The following NT5DC1 variants were observed in gnomAD, a reference collection of about 807,000 sequenced individuals.
The protein encoded by NT5DC1 is 5'-nucleotidase domain-containing protein 1.
In NT5DC1, 42 loss-of-function variants were observed where a neutral mutation model predicts 59.4. That is an observed-to-expected ratio of 0.71 (90% CI 0.55 to 0.92). NT5DC1 has a LOEUF of 0.92. Ranked by LOEUF, NT5DC1 falls within the 40% of genes least tolerant of loss-of-function variation. The pLI is 0.00. For synonymous variants in NT5DC1, 172 were observed against 188.1 expected (o/e 0.91, Z 0.70); for missense variants, 501 against 537.1 (o/e 0.93, Z 0.66).
At chr6:116,209,207 T>C (rs1483278922) in intron 6 of NT5DC1, among the ~76,000 whole-genome samples, 1 of 152,018 alleles carries the variant, frequency 6.6e-6, no homozygotes, top group Non-Finnish European at 1.5e-5. Context: ...AGATAGTAAA[T>C]ATTATAGGCT....
chr6:116,238,849 A>T, intron 10 of NT5DC1, 106 bp from the exon 11 acceptor site: 1 of 680,206 alleles, frequency 1.5e-6, no homozygotes, highest in Non-Finnish European at 2.6e-6. Context: ...GCCTATTTGT[A>T]GATTCCTACA....
At chr6:116,182,222 A>AGTGTGTGTGTGTGTGTGTGTGTGT (rs35883565) in intron 6 of NT5DC1, among the ~76,000 whole-genome samples, 1 of 124,606 alleles carries the variant, frequency 8.0e-6, no homozygotes, top group African/African-American at 2.9e-5. Flanking sequence ...TTCCATGGAG[A>AGTGTGTGTGTGTGTGTGTGTGTGT]GTGTGTGTGT....
chr6:116,152,239 C>T (rs1780061178), intron 6 of NT5DC1, among the ~76,000 whole-genome samples: 1 of 152,116 alleles, frequency 6.6e-6, no homozygotes, highest in Admixed American at 6.5e-5. Flanking sequence ...AATACAGGAG[C>T]TGTGCATTTA....
chr6:116,168,453 T>A (rs1300749624), intron 6 of NT5DC1, among the ~76,000 whole-genome samples: 1 of 152,128 alleles, frequency 6.6e-6, no homozygotes, highest in Non-Finnish European at 1.5e-5. Context: ...TTTTTCTATT[T>A]TTCAATTCTC....
chr6:116,229,596 A>G (rs1225197483), intron 8 of NT5DC1, among the ~76,000 whole-genome samples: 7 of 152,148 alleles, frequency 4.6e-5, no homozygotes, highest in Non-Finnish European at 7.4e-5. Context: ...TCTGTTCTCT[A>G]TCACGTGCAG....
At chr6:116,243,576 T>G (rs1035142362) in intron 11 of NT5DC1, among the ~76,000 whole-genome samples, 1 of 152,216 alleles carries the variant, frequency 6.6e-6, no homozygotes, top group Non-Finnish European at 1.5e-5. Context: ...CCCTTTTGCC[T>G]CTTAAAACCT....
At chr6:116,238,886 T>C (rs1475492048) in intron 10 of NT5DC1, 69 bp from the exon 11 acceptor site, 2 of 1,009,530 alleles carry the variant, frequency 2.0e-6, no homozygotes, top group Non-Finnish European at 3.0e-6. Context: ...ATTTACTTAA[T>C]AGACAAAAAA....
intron 6 of NT5DC1, among the ~76,000 whole-genome samples, chr6:116,175,124 A>G (rs1402090082): frequency 6.6e-6 from 1 of 152,130 alleles, no homozygotes; most frequent in Non-Finnish European, 1.5e-5. Context: ...TAAAATATGT[A>G]TATTTTGTAT....
chr6:116,168,318 T>TAGAA (rs1780524152), intron 6 of NT5DC1, among the ~76,000 whole-genome samples: 1 of 152,078 alleles, frequency 6.6e-6, no homozygotes, highest in Non-Finnish European at 1.5e-5. Flanking sequence ...CTGTTTTCTT[T>TAGAA]TAATCTCATT....
At chr6:116,238,691 T>C (rs1782171806) in intron 10 of NT5DC1, among the ~76,000 whole-genome samples, 1 of 152,022 alleles carries the variant, frequency 6.6e-6, no homozygotes, top group African/African-American at 2.4e-5. Context: ...AGGGAAAAAA[T>C]TATGTTTTCT....
At chr6:116,194,179 T>C (rs1368660699) in intron 6 of NT5DC1, among the ~76,000 whole-genome samples, 1 of 152,094 alleles carries the variant, frequency 6.6e-6, no homozygotes, top group Non-Finnish European at 1.5e-5. Context: ...GTGACATGAT[T>C]TTGAGCAGTT....
At chr6:116,179,751 A>G (rs1454108348) in intron 6 of NT5DC1, among the ~76,000 whole-genome samples, 3 of 152,112 alleles carry the variant, frequency 2.0e-5, no homozygotes, top group Non-Finnish European at 4.4e-5. Flanking sequence ...ATTGAGACAT[A>G]CACCTATCTT....
At chr6:116,155,494 C>T (rs1304857376) in intron 6 of NT5DC1, among the ~76,000 whole-genome samples, 1 of 151,934 alleles carries the variant, frequency 6.6e-6, no homozygotes, top group African/African-American at 2.4e-5. Flanking sequence ...TCATGTAATA[C>T]GTACTGAATC....
intron 6 of NT5DC1, among the ~76,000 whole-genome samples, chr6:116,144,665 T>G (rs532613964): frequency 9.2e-5 from 14 of 152,310 alleles, no homozygotes; most frequent in Non-Finnish European, 1.5e-4. Flanking sequence ...TAGATTTTAT[T>G]TGTAATCCAC....
At chr6:116,232,180 G>T (rs1562175206) in intron 8 of NT5DC1, among the ~76,000 whole-genome samples, 1 of 152,054 alleles carries the variant, frequency 6.6e-6, no homozygotes, top group Non-Finnish European at 1.5e-5. Flanking sequence ...GGTCCACCCT[G>T]AGAGTCTCAT....
At chr6:116,160,191 A>G (rs1411978538) in intron 6 of NT5DC1, among the ~76,000 whole-genome samples, 1 of 152,160 alleles carries the variant, frequency 6.6e-6, no homozygotes, top group Non-Finnish European at 1.5e-5. Flanking sequence ...AAATGCCCAT[A>G]ATGTTTTCCA....
Position 116,243,996 on chromosome 6 carries a change from C to T in NT5DC1, c.1340C>T (p.Ser447Leu). 6.7e-7 allele frequency: 1 copy of T among 1,498,562 alleles called. No homozygotes were observed. Among genetic ancestry groups the T allele is most frequent in the South Asian group, 1.2e-5 (1 of 86,444 alleles). 92.8% of individuals were successfully genotyped at this position (1,498,562 alleles called of 1,614,324 possible). ...TATCCAAATCCTCCACTGGTCTTATCAAGTGATGAGACACTGATATCCAAA... is the reference window on the plus strand; with the variant it reads ...TATCCAAATCCTCCACTGGTCTTATTAAGTGATGAGACACTGATATCCAAA... Reference protein sequence around the residue: ...GYYPNPPLVLSSDETLISK With the variant: ...GYYPNPPLVLLSDETLISK The change falls in exon 12 of 12, where the codon TCA becomes TTA. Residue 447 changes from serine to leucine, a missense_variant. Ser to Leu is a moderately radical substitution (Grantham distance 145). Transcript: ENST00000319550.
intron 6 of NT5DC1, among the ~76,000 whole-genome samples, chr6:116,191,361 G>C (rs1226715148): frequency 2.0e-5 from 3 of 152,070 alleles, no homozygotes; most frequent in South Asian, 4.1e-4. Flanking sequence ...AAACCCTACT[G>C]TACTTACTGT....
intron 8 of NT5DC1, among the ~76,000 whole-genome samples, chr6:116,231,055 G>A (rs555706817): frequency 1.4e-5 from 2 of 138,742 alleles, no homozygotes. Flanking sequence ...GCAGTGAGCC[G>A]AGATAGCGCC....
Sources: gnomAD v4.1 joint callset for allele counts (sites outside exome capture counted in the v4.1 genomes callset) on GRCh38, gnomAD v4.1.1 for gene constraint, MANE v1.5 for transcripts, NCBI Gene and HGNC (gene_info 2026-07-23, HGNC 2026-07-21) for gene names.